Variants in MED12L observed in about 807,000 individuals in gnomAD.
The protein encoded by MED12L is mediator of RNA polymerase II transcription subunit 12-like protein.
In MED12L, 60 loss-of-function variants were observed where a neutral mutation model predicts 281.3. The observed-to-expected ratio is 0.21, with a 90% CI of 0.17 to 0.26. The LOEUF (loss-of-function observed/expected upper bound fraction) is 0.26. MED12L is among the 10% of genes least tolerant of loss of function. The pLI is 1.00. For missense variants in MED12L, 2,146 were observed against 2,680.9 expected (o/e 0.80, Z 4.41); for synonymous variants, 974 against 987.2 (o/e 0.99, Z 0.25).
chr3:151,284,070 AT>A lies in MED12L; in HGVS notation c.2251-65988del, dbSNP rs1272236848. ...ACTGAGTGAGCTGGAATGAAACTTA[AT>A]GAATGTAAGAACATACTTCGTTTTT... On this transcript the variant is annotated intron_variant, in intron 16 of 44. Transcript: ENST00000687756. Among the ~76,000 whole-genome samples, 6 of 152,346 alleles carry A rather than the reference AT, an allele frequency of 3.9e-5. No individual in the cohort carries two copies. In the East Asian group the frequency reaches 1.2e-3, roughly 29 times the overall value.
intron 16 of MED12L, among the ~76,000 whole-genome samples, chr3:151,205,229 C>G (rs1201148055): frequency 6.6e-6 from 1 of 152,180 alleles, no homozygotes; most frequent in African/African-American, 2.4e-5. Context: ...AATACACACC[C>G]AAGCGGGAAG....
chr3:151,360,626 A>G, intron 21 of MED12L, 21 bp downstream of exon 21: 1 of 1,602,738 alleles, frequency 6.2e-7, no homozygotes, highest in Non-Finnish European at 8.5e-7. Context: ...GAGACTCAAA[A>G]GGACAGAAAT....
intron 16 of MED12L, among the ~76,000 whole-genome samples, chr3:151,250,211 C>T (rs1234312658): frequency 1.3e-5 from 2 of 152,168 alleles, no homozygotes; most frequent in Non-Finnish European, 2.9e-5. Flanking sequence ...CCTCATTGCA[C>T]ATTCCTCAAT....
intron 16 of MED12L, among the ~76,000 whole-genome samples, chr3:151,293,336 A>G (rs771333168): frequency 2.6e-4 from 39 of 152,170 alleles, no homozygotes; most frequent in Admixed American, 2.6e-4. Flanking sequence ...TCTTTTAGTC[A>G]GCAAACACGC....
At chr3:151,377,750 G>A (rs1378318014) in intron 30 of MED12L, among the ~76,000 whole-genome samples, 1 of 152,036 alleles carries the variant, frequency 6.6e-6, no homozygotes, top group Non-Finnish European at 1.5e-5. Flanking sequence ...AGAGAGAGGG[G>A]GTCATCGGAA....
intron 16 of MED12L, among the ~76,000 whole-genome samples, chr3:151,260,672 A>G (rs1186551952): frequency 1.3e-5 from 2 of 152,098 alleles, no homozygotes; most frequent in Non-Finnish European, 2.9e-5. Flanking sequence ...TTTTAATGAC[A>G]TTTTACATAA....
chr3:151,197,442 C>T (rs1372328917), intron 16 of MED12L, among the ~76,000 whole-genome samples: 1 of 152,084 alleles, frequency 6.6e-6, no homozygotes, highest in Non-Finnish European at 1.5e-5. Context: ...GCCACCACGC[C>T]CGGCTGGAGT....
chr3:151,193,340 AT>A lies in MED12L; in HGVS notation c.2074-148del. ...TGATCTGAATATGAATTTTGTGGAA[AT>A]TAACACAATTTCTTCATATTTTTTT... On this transcript the variant is annotated intron_variant, in intron 15 of 44. Transcript: ENST00000687756. 8.3e-6 allele frequency: 5 copies of A among 602,714 alleles called. 1 individual carries two copies. The South Asian group carries it at 1.1e-4, about 14-fold the overall frequency. The allele number at this position is 602,714 out of a possible 1,614,324, so 37.3% of individuals were successfully genotyped here. A position where few individuals can be genotyped will look rare whatever the true frequency, so the allele number is the denominator to read the frequency against.
In MED12L at chr3:151,269,139, G is replaced by A. The variant is rs145595535; in HGVS notation, c.2250+75473G>A. Among the ~76,000 whole-genome samples, 612 of 152,292 alleles carry A rather than the reference G, an allele frequency of 4.0e-3. 1 individual carries two copies. Among genetic ancestry groups the A allele is most frequent in the Non-Finnish European group, 6.7e-3 (456 of 68,030 alleles). On this transcript the variant is annotated intron_variant, in intron 16 of 44. Coordinates refer to ENST00000687756, the MANE Select transcript of MED12L (RefSeq NM_001393769.1). ...CAAAAGGAAATACAGGCTGGGCGCGGTGGCTTATGCCTATACTCTGGGAGG... is the reference window on the plus strand; with the variant it reads ...CAAAAGGAAATACAGGCTGGGCGCGATGGCTTATGCCTATACTCTGGGAGG...
intron 16 of MED12L, among the ~76,000 whole-genome samples, chr3:151,346,909 A>G (rs908313200): frequency 6.6e-6 from 1 of 152,170 alleles, no homozygotes; most frequent in Non-Finnish European, 1.5e-5. Context: ...CCCTGCTGTT[A>G]TAATGTATTA....
At chr3:151,190,586 A>C in intron 13 of MED12L, 131 bp from the exon 14 acceptor site, 1 of 832,428 alleles carries the variant, frequency 1.2e-6, no homozygotes, top group South Asian at 1.8e-5. Flanking sequence ...TGCCTCAGTA[A>C]ATCTTCCAAT....
At chr3:151,247,062 G>A (rs1735705020) in intron 16 of MED12L, among the ~76,000 whole-genome samples, 1 of 152,144 alleles carries the variant, frequency 6.6e-6, no homozygotes, top group Non-Finnish European at 1.5e-5. Flanking sequence ...ACCACAAGAA[G>A]ATACCATCTC....
At position 151,198,842 on chromosome 3, in the gene MED12L, A is replaced by T. The variant is rs373796610; in HGVS notation, c.2250+5176A>T. The T allele has an allele frequency of 2.1e-5, 34 of 1,613,574 alleles. No individual in the cohort carries two copies. The highest frequency in any genetic ancestry group is 2.8e-5 in the Non-Finnish European group (33 of 1,179,478). On this transcript the variant is annotated intron_variant, in intron 16 of 44. Transcript: ENST00000687756. The stretch of plus-strand genomic sequence containing the variant: ...ATTTAAAAATATTGCTACACATATG[A>T]AATTTGTCAGCAAATGCCAATTTCT...
Position 151,355,215 on chromosome 3 carries a change from T to A in MED12L, c.2493T>A (p.Phe831Leu). ...CTAAACTCCAGCTCCTTTCATATTT[T>A]GATCAACATCAAGTGACATCTCAGG... ...VFTKLQLLSY[F>L]DQHQVTSQIS... Residue 831 changes from phenylalanine to leucine, a missense_variant, in exon 18 of 45, where the codon TTT (phenylalanine) becomes TTA (leucine). Coordinates refer to ENST00000687756, the MANE Select transcript of MED12L (RefSeq NM_001393769.1). The A allele has an allele frequency of 6.2e-7, 1 of 1,612,916 alleles. No individual in the cohort carries two copies. Among genetic ancestry groups the A allele is most frequent in the Non-Finnish European group, 8.5e-7 (1 of 1,179,040 alleles).
chr3:151,384,460 A>G (rs1288827700), intron 35 of MED12L, among the ~76,000 whole-genome samples: 1 of 152,220 alleles, frequency 6.6e-6, no homozygotes, highest in Admixed American at 6.5e-5. Context: ...AGAACTTTAG[A>G]AATCCACTGT....
At chr3:151,242,206 C>T (rs974956030) in intron 16 of MED12L, among the ~76,000 whole-genome samples, 31 of 152,202 alleles carry the variant, frequency 2.0e-4, no homozygotes, top group African/African-American at 3.9e-4. Context: ...GAGGGGCGCC[C>T]GCCATTGCCC....
At chr3:151,105,746 A>T (rs79758062) in intron 2 of MED12L, among the ~76,000 whole-genome samples, 1 of 152,066 alleles carries the variant, frequency 6.6e-6, no homozygotes, top group South Asian at 2.1e-4. Flanking sequence ...TATGCAGACA[A>T]CTCACGACTT....
chr3:151,173,482 A>C (rs1456240693), intron 11 of MED12L, among the ~76,000 whole-genome samples: 1 of 152,230 alleles, frequency 6.6e-6, no homozygotes, highest in Non-Finnish European at 1.5e-5. Flanking sequence ...ATTGCCATGA[A>C]CAATTTTCAC....
Position 151,384,712 on chromosome 3 carries a change from A to C in MED12L, c.4927-318A>C. 2.0e-5 allele frequency: 5 copies of C among 249,316 alleles called. No homozygotes were observed. The South Asian group carries it at 3.7e-4, about 18-fold the overall frequency. 15.4% of individuals were successfully genotyped at this position (249,316 alleles called of 1,614,324 possible). A position where few individuals can be genotyped will look rare whatever the true frequency, so the allele number is the denominator to read the frequency against. ...GTTACCTTGTAATCTGACCCTGGAC[A>C]TGAGAAAGTGTTCTGTTCTGCAGCT... On this transcript the variant is annotated intron_variant, in intron 35 of 44. Coordinates refer to ENST00000687756, the MANE Select transcript of MED12L (RefSeq NM_001393769.1).
Sources: allele counts gnomAD v4.1 joint callset (sites outside exome capture counted in the v4.1 genomes callset), GRCh38; gene constraint gnomAD v4.1.1; transcripts MANE v1.5; gene names NCBI Gene and HGNC (gene_info 2026-07-23, HGNC 2026-07-21).